ZCCHC4: variants seen among roughly 807,000 people sequenced by gnomAD.
The protein encoded by ZCCHC4 is zinc finger CCHC-type containing 4.
A neutral mutation model predicts 67.7 loss-of-function variants in ZCCHC4; 54 were observed. The observed-to-expected ratio is 0.80, with a 90% CI of 0.64 to 1.00. The LOEUF (loss-of-function observed/expected upper bound fraction) is 1.00, where lower values mean the gene tolerates loss of function less well. Ranked by LOEUF, ZCCHC4 falls within the 50% of genes least tolerant of loss-of-function variation. The pLI, the probability that ZCCHC4 is intolerant of heterozygous loss-of-function variation, is 0.00. For missense variants in ZCCHC4, 609 were observed against 617.0 expected (o/e 0.99, Z 0.14); for synonymous variants, 198 against 213.5 (o/e 0.93, Z 0.63).
Position 25,333,167 on chromosome 4 carries a change from T to G in ZCCHC4, c.330-16T>G. The G allele has an allele frequency of 6.3e-7, 1 of 1,597,772 alleles. No homozygotes were observed. The highest frequency in any genetic ancestry group is 1.1e-5 in the South Asian group (1 of 89,622). On this transcript the variant is annotated splice_polypyrimidine_tract_variant and intron_variant, in intron 3 of 12. Transcript: ENST00000302874. Reference sequence around the variant, plus strand: ...AACTTAAAATATATTTCTTTGTGTTTTATTTTGTCTTGAAGGTACTTGAAG... The same window carrying G: ...AACTTAAAATATATTTCTTTGTGTTGTATTTTGTCTTGAAGGTACTTGAAG...
chr4:25,369,104 T>C lies in ZCCHC4; in HGVS notation c.1482T>C (p.His494=). The part of the protein sequence containing the change: ...METTKGQSMN[H]TSATRRKKRR... ...CCACGAAAGGACAATCCATGAATCA[T>C]ACATCTGCTACAAGGAGAAAGAAAA... Residue 494 remains histidine (H), a synonymous_variant, in exon 13 of 13, where the codon CAT becomes CAC. Transcript: ENST00000302874. 1 of 1,613,984 alleles carries C rather than the reference T, an allele frequency of 6.2e-7. No individual in the cohort carries two copies. Among genetic ancestry groups the C allele is most frequent in the Non-Finnish European group, 8.5e-7 (1 of 1,179,986 alleles).
chr4:25,360,102 G>A (rs1720667612), intron 8 of ZCCHC4, among the ~76,000 whole-genome samples: 2 of 152,256 alleles, frequency 1.3e-5, no homozygotes, highest in Non-Finnish European at 2.9e-5. Flanking sequence ...GGAACAGTTT[G>A]CCTTCATGGG....
rs368369900 is a variant in ZCCHC4 at position 25,364,437 on chromosome 4, G to GTT, written c.1210-7_1210-6dup. On this transcript the variant is annotated splice_polypyrimidine_tract_variant and intron_variant, in intron 10 of 12. Transcript: ENST00000302874. ...ACAAATTAATTATAATTTAAAAATT[G>GTT]TTTTTTTTTTTGGTAGGATGGCAGG... is the stretch of plus-strand genomic sequence containing the variant. 503 of 1,133,492 alleles carry GTT rather than the reference G, an allele frequency of 4.4e-4. No homozygotes were observed. Among genetic ancestry groups the GTT allele is most frequent in the South Asian group, 1.2e-3 (65 of 54,254 alleles). The allele number at this position is 1,133,492 out of a possible 1,614,324, so 70.2% of individuals were successfully genotyped here.
intron 5 of ZCCHC4, among the ~76,000 whole-genome samples, chr4:25,335,617 G>A (rs1021489891): frequency 5.3e-5 from 8 of 152,038 alleles, no homozygotes; most frequent in Middle Eastern, 3.2e-3. Flanking sequence ...AAAATTAGCT[G>A]GGTGTGGTGG....
intron 8 of ZCCHC4, among the ~76,000 whole-genome samples, chr4:25,356,217 C>T (rs1374054338): frequency 6.6e-6 from 1 of 152,168 alleles, no homozygotes; most frequent in Non-Finnish European, 1.5e-5. Context: ...TGCCTCTCAT[C>T]ATCATTGTGA....
intron 3 of ZCCHC4, among the ~76,000 whole-genome samples, chr4:25,317,037 A>G (rs1317374002): frequency 6.6e-6 from 1 of 152,226 alleles, no homozygotes; most frequent in Non-Finnish European, 1.5e-5. Context: ...TTTTTTGACA[A>G]ACTTGTGAAA....
At chr4:25,356,242 A>T (rs370430630) in intron 8 of ZCCHC4, among the ~76,000 whole-genome samples, 17 of 152,338 alleles carry the variant, frequency 1.1e-4, no homozygotes, top group Admixed American at 5.2e-4. Context: ...AATGTCAGGG[A>T]TAATGATGGG....
chr4:25,366,613 G>A (rs1325459417), intron 12 of ZCCHC4, among the ~76,000 whole-genome samples: 21 of 152,186 alleles, frequency 1.4e-4, no homozygotes, highest in Admixed American at 1.2e-3. Flanking sequence ...ACCACGCCCA[G>A]CCTGAAGAAT....
chr4:25,360,018 T>C (rs1182554096), intron 8 of ZCCHC4, among the ~76,000 whole-genome samples: 1 of 152,238 alleles, frequency 6.6e-6, no homozygotes, highest in Non-Finnish European at 1.5e-5. Flanking sequence ...ACGGACTTGA[T>C]GGACCACTTG....
intron 5 of ZCCHC4, among the ~76,000 whole-genome samples, chr4:25,336,678 G>T (rs532431914): frequency 2.6e-5 from 4 of 152,286 alleles, no homozygotes; most frequent in South Asian, 2.1e-4. Flanking sequence ...GTAGAGAGGG[G>T]ATTTCACCAT....
chr4:25,358,370 A>G (rs566257947), intron 8 of ZCCHC4, among the ~76,000 whole-genome samples: 1 of 152,342 alleles, frequency 6.6e-6, no homozygotes, highest in Admixed American at 6.5e-5. Context: ...AATTTCACAC[A>G]CAGAATGGGA....
At chr4:25,363,271 A>G (rs766531750) in intron 10 of ZCCHC4, among the ~76,000 whole-genome samples, 2 of 152,180 alleles carry the variant, frequency 1.3e-5, no homozygotes, top group Non-Finnish European at 2.9e-5. Flanking sequence ...ATCATATAGT[A>G]TATAGCCTTT....
At chr4:25,347,647 G>T (rs576826115) in intron 6 of ZCCHC4, among the ~76,000 whole-genome samples, 102 of 152,136 alleles carry the variant, frequency 6.7e-4, no homozygotes, top group Non-Finnish European at 1.0e-3. Flanking sequence ...TTAAGTGTCG[G>T]CTCAGTGCCT....
At position 25,346,802 on chromosome 4, in the gene ZCCHC4, GT is replaced by G. The variant is rs577053253; in HGVS notation, c.759+1184del. Among the ~76,000 whole-genome samples, 16 of 152,310 alleles carry G rather than the reference GT, an allele frequency of 1.1e-4. No individual in the cohort carries two copies. In the South Asian group the frequency reaches 3.1e-3, roughly 30 times the overall value. On this transcript the variant is annotated intron_variant, in intron 6 of 12. Transcript: ENST00000302874. Reference sequence around the variant, plus strand: ...TGCTAATCACTAAGAATTGAGAACTGTTGAGGTGAATGTGAAGGAAAATGGG... The same window carrying G: ...TGCTAATCACTAAGAATTGAGAACTGTGAGGTGAATGTGAAGGAAAATGGG...
intron 5 of ZCCHC4, 74 bp from the exon 6 acceptor site, chr4:25,345,474 T>G (rs1402188883): frequency 1.2e-6 from 1 of 864,662 alleles, no homozygotes; most frequent in Admixed American, 3.1e-5. Context: ...GTGATTTTAT[T>G]GTTTTAAAAT....
Position 25,340,026 on chromosome 4 carries a change from G to A in ZCCHC4, c.687-5522G>A, listed in dbSNP as rs368726085. Reference sequence around the variant, plus strand: ...TGGAACTACAGGCGCCTGCCACCACGCCTGGCTAATTTTTTATATTTTTAG... The same window carrying A: ...TGGAACTACAGGCGCCTGCCACCACACCTGGCTAATTTTTTATATTTTTAG... On this transcript the variant is annotated intron_variant, in intron 5 of 12. Transcript: ENST00000302874. 2.9e-3 allele frequency among the ~76,000 whole-genome samples: 434 copies of A among 152,040 alleles called. 2 individuals are homozygous for A. Among genetic ancestry groups the A allele is most frequent in the South Asian group, 0.022 (104 of 4,814 alleles).
chr4:25,325,145 A>T (rs993516536), intron 3 of ZCCHC4, among the ~76,000 whole-genome samples: 12 of 115,594 alleles, frequency 1.0e-4, no homozygotes, highest in African/African-American at 3.3e-4. Flanking sequence ...CGGGAGGCTG[A>T]GGCAGGAGAA....
intron 2 of ZCCHC4, among the ~76,000 whole-genome samples, chr4:25,314,520 ATCAAGATGCTGGCAGATCTAGTG>A (rs1363581134): frequency 2.6e-5 from 4 of 152,214 alleles, no homozygotes; most frequent in Non-Finnish European, 5.9e-5. Flanking sequence ...GAAGTCCAGG[ATCAAGATGCTGGCAGATCTAGTG>A]TCTGGTGTAG....
At chr4:25,338,645 A>G (rs997483958) in intron 5 of ZCCHC4, among the ~76,000 whole-genome samples, 1 of 152,228 alleles carries the variant, frequency 6.6e-6, no homozygotes, top group Non-Finnish European at 1.5e-5. Flanking sequence ...AAGTGGAATA[A>G]TACTCTGTGT....
Sources: gnomAD v4.1 joint callset for allele counts (sites outside exome capture counted in the v4.1 genomes callset) on GRCh38, gnomAD v4.1.1 for gene constraint, MANE v1.5 for transcripts, NCBI Gene and HGNC (gene_info 2026-07-23, HGNC 2026-07-21) for gene names.